Variants in ATP23 observed in about 807,000 individuals in gnomAD.
ATP23 encodes the protein ATP23 metallopeptidase and ATP synthase assembly factor homolog.
A neutral mutation model predicts 28.5 loss-of-function variants in ATP23; 24 were observed. That is an observed-to-expected ratio of 0.84 (90% CI 0.61 to 1.18). ATP23 has a LOEUF of 1.18. ATP23 is among the 50% of genes most tolerant of loss of function. The pLI, the probability that ATP23 is intolerant of heterozygous loss-of-function variation, is 0.00. For synonymous variants in ATP23, 99 were observed against 108.6 expected (o/e 0.91, Z 0.55); for missense variants, 274 against 306.4 (o/e 0.89, Z 0.79).
intron 2 of ATP23, among the ~76,000 whole-genome samples, 193 bp downstream of exon 2, chr12:57,945,866 GTT>G (rs534553402): frequency 6.7e-5 from 9 of 134,758 alleles, no homozygotes; most frequent in Non-Finnish European, 8.1e-5. Flanking sequence ...CCTAACTCAT[GTT>G]TTTTTTTTTT....
At chr12:57,954,677 C>T (rs1333396522) in intron 5 of ATP23, among the ~76,000 whole-genome samples, 1 of 152,108 alleles carries the variant, frequency 6.6e-6, no homozygotes, top group Non-Finnish European at 1.5e-5. Context: ...AAAGGCTGGT[C>T]AGTCATTTTC....
rs1293912393 is a variant in ATP23, at chr12:57,958,840, C to CA, written c.*1957dup. On this transcript the variant is annotated 3_prime_UTR_variant, in exon 6 of 6. Coordinates refer to ENST00000300145, the MANE Select transcript of ATP23 (RefSeq NM_033276.4). ...CAAAACAAAAGCTCTTTAACACCCA[C>CA]AAAAAAATCACACTAGTTCACCAGC... Among the ~76,000 whole-genome samples the CA allele has an allele frequency of 6.6e-6, 1 of 152,034 alleles. No individual in the cohort carries two copies. Among genetic ancestry groups the CA allele is most frequent in the Non-Finnish European group, 1.5e-5 (1 of 67,994 alleles).
At position 57,958,986 on chromosome 12, in the gene ATP23, A is replaced by G. The variant is rs748013161; in HGVS notation, c.*2096A>G. ...AAGCCCAGTGCAAGGAAATCCAAAA[A>G]ATGATATAAGAAGTGAAGGGAGAAA... On this transcript the variant is annotated 3_prime_UTR_variant, in exon 6 of 6. Transcript: ENST00000300145. Among the ~76,000 whole-genome samples the G allele has an allele frequency of 6.6e-6, 1 of 152,204 alleles. No individual in the cohort carries two copies. The highest frequency in any genetic ancestry group is 6.5e-5 in the Admixed American group (1 of 15,286).
intron 2 of ATP23, 85 bp downstream of exon 2, chr12:57,945,758 G>C (rs1221631464): frequency 1.4e-5 from 18 of 1,265,404 alleles, no homozygotes; most frequent in Non-Finnish European, 1.8e-5. Flanking sequence ...AACTGCTTAA[G>C]ATTTCTCTGA....
intron 5 of ATP23, among the ~76,000 whole-genome samples, chr12:57,955,775 A>T (rs1169857473): frequency 2.6e-5 from 4 of 152,140 alleles, no homozygotes; most frequent in Non-Finnish European, 5.9e-5. Context: ...CGTTTAGTAA[A>T]ATTCAGGTTG....
intron 2 of ATP23, among the ~76,000 whole-genome samples, chr12:57,946,131 G>T (rs565620822): frequency 7.3e-4 from 111 of 152,268 alleles, no homozygotes; most frequent in African/African-American, 2.6e-3. Flanking sequence ...CTCCCAAAGT[G>T]CTGGGATTAC....
intron 3 of ATP23, among the ~76,000 whole-genome samples, chr12:57,950,335 AGCTTC>A (rs1436212865): frequency 6.6e-6 from 1 of 151,878 alleles, no homozygotes; most frequent in African/African-American, 2.4e-5. Context: ...CTCTCCTTTT[AGCTTC>A]TCAAGCATTT....
chr12:57,950,797 G>A (rs1184748753), intron 3 of ATP23, among the ~76,000 whole-genome samples: 1 of 152,142 alleles, frequency 6.6e-6, no homozygotes, highest in Non-Finnish European at 1.5e-5. Flanking sequence ...TCAAAGTACT[G>A]GGATTATAGG....
rs924894484 is a variant in ATP23 at position 57,958,490 on chromosome 12, C to A, written c.*1600C>A. On this transcript the variant is annotated 3_prime_UTR_variant, in exon 6 of 6. Transcript: ENST00000300145. ...CCCTCATGGAGTCCATTGCACCCCC[C>A]CTGCCACCTCCACTGGAACAGGTGC... Among the ~76,000 whole-genome samples the A allele has an allele frequency of 6.6e-6, 1 of 152,158 alleles. No individual in the cohort carries two copies. The highest frequency in any genetic ancestry group is 1.5e-5 in the Non-Finnish European group (1 of 68,036).
intron 5 of ATP23, among the ~76,000 whole-genome samples, chr12:57,955,126 A>C (rs1342641417): frequency 6.6e-6 from 1 of 152,156 alleles, no homozygotes; most frequent in African/African-American, 2.4e-5. Flanking sequence ...ATGTGCTGGC[A>C]TAGCTTATGG....
intron 1 of ATP23, among the ~76,000 whole-genome samples, chr12:57,945,188 G>A (rs1279803856): frequency 1.3e-5 from 2 of 152,172 alleles, no homozygotes; most frequent in South Asian, 2.1e-4. Flanking sequence ...TTGCTTTGAT[G>A]TTGATTTAAG....
In ATP23 at chr12:57,959,011, A is replaced by C. The variant is rs906362810; in HGVS notation, c.*2121A>C. Among the ~76,000 whole-genome samples the C allele has an allele frequency of 2.0e-5, 3 of 152,174 alleles. No homozygotes were observed. The highest frequency in any genetic ancestry group is 7.2e-5 in the African/African-American group (3 of 41,442). The stretch of plus-strand genomic sequence containing the variant: ...AATGATATAAGAAGTGAAGGGAGAA[A>C]TATTCAAGGAAATGGAGAGCTTAAA... On this transcript the variant is annotated 3_prime_UTR_variant, in exon 6 of 6. Transcript: ENST00000300145.
At chr12:57,943,842 T>C (rs1015773622) in intron 1 of ATP23, among the ~76,000 whole-genome samples, 2 of 152,094 alleles carry the variant, frequency 1.3e-5, no homozygotes, top group African/African-American at 4.8e-5. Flanking sequence ...TGAGCCCCAG[T>C]AGGAATCAAT....
rs1440855288 is a variant in ATP23, at chr12:57,957,670, A to G, written c.*780A>G. Among the ~76,000 whole-genome samples, 3 of 152,106 alleles carry G rather than the reference A, an allele frequency of 2.0e-5. No individual in the cohort carries two copies. The highest frequency in any genetic ancestry group is 4.4e-5 in the Non-Finnish European group (3 of 68,032). On this transcript the variant is annotated 3_prime_UTR_variant, in exon 6 of 6. Transcript: ENST00000300145. ...GGGAGAAGTTTCCGACCTTACCTGGAGCTGAGTTAATTTAGAGAGCCGAGC... is the reference window on the plus strand; with the variant it reads ...GGGAGAAGTTTCCGACCTTACCTGGGGCTGAGTTAATTTAGAGAGCCGAGC...
At chr12:57,949,209 C>T (rs959161054) in intron 3 of ATP23, among the ~76,000 whole-genome samples, 2 of 152,230 alleles carry the variant, frequency 1.3e-5, no homozygotes, top group Admixed American at 1.3e-4. Context: ...AGTTTGTATA[C>T]ACTTGACTTC....
chr12:57,945,866 GT>G (rs534553402), intron 2 of ATP23, among the ~76,000 whole-genome samples, 193 bp downstream of exon 2: 18,809 of 134,662 alleles, frequency 0.14, 1,796 homozygotes, highest in African/African-American at 0.3. Flanking sequence ...CCTAACTCAT[GT>G]TTTTTTTTTT....
intron 5 of ATP23, among the ~76,000 whole-genome samples, chr12:57,955,192 A>G (rs1012661296): frequency 6.6e-6 from 1 of 151,900 alleles, no homozygotes; most frequent in Non-Finnish European, 1.5e-5. Context: ...AAACTATTAC[A>G]TATACTCTGT....
chr12:57,952,126 A>G (rs1956822207), intron 4 of ATP23, among the ~76,000 whole-genome samples: 1 of 152,166 alleles, frequency 6.6e-6, no homozygotes, highest in Admixed American at 6.5e-5. Flanking sequence ...GTGATGACTG[A>G]CTTTAATAAG....
rs1207665694 is a variant in ATP23 at position 57,957,910 on chromosome 12, A to G, written c.*1020A>G. ...CGGCCAGAACTTGGGAGAGGGCACA[A>G]ATCCCATGTGCAGAATCCACAGAGG... On this transcript the variant is annotated 3_prime_UTR_variant, in exon 6 of 6. Transcript: ENST00000300145. 6.6e-6 allele frequency among the ~76,000 whole-genome samples: 1 copy of G among 152,188 alleles called. No individual in the cohort carries two copies. The highest frequency in any genetic ancestry group is 2.4e-5 in the African/African-American group (1 of 41,458).
Sources: gnomAD v4.1 joint callset for allele counts (sites outside exome capture counted in the v4.1 genomes callset) on GRCh38, gnomAD v4.1.1 for gene constraint, MANE v1.5 for transcripts, NCBI Gene and HGNC (gene_info 2026-07-23, HGNC 2026-07-21) for gene names.